Variants in AGBL4 observed in about 807,000 individuals in gnomAD.
The protein encoded by AGBL4 is AGBL carboxypeptidase 4.
AGBL4 carries 58 observed loss-of-function variants against 66.4 expected under a neutral mutation model. The ratio of observed to expected loss-of-function variants is 0.87; its 90% CI spans 0.71 to 1.09. The LOEUF is 1.09. AGBL4 is among the 50% of genes least tolerant of loss of function. The pLI is 0.00. For missense variants in AGBL4, 579 were observed against 631.0 expected, an observed-to-expected ratio of 0.92 and a Z score of 0.88; for synonymous variants, 234 against 222.9, an observed-to-expected ratio of 1.05 and a Z score of -0.44.
chr1:48,880,923 G>A (rs1232402522), intron 5 of AGBL4, among the ~76,000 whole-genome samples: 1 of 152,094 alleles, frequency 6.6e-6, no homozygotes, highest in Non-Finnish European at 1.5e-5. Context: ...CATCGTGAAT[G>A]TTATTTTAAT....
chr1:49,450,094 T>A (rs929505451), intron 3 of AGBL4, among the ~76,000 whole-genome samples: 1 of 152,116 alleles, frequency 6.6e-6, no homozygotes, highest in Non-Finnish European at 1.5e-5. Context: ...TGGTTTCAAT[T>A]TTTAAATATT....
At chr1:49,024,560 C>T (rs116539963) in intron 5 of AGBL4, among the ~76,000 whole-genome samples, 495 of 152,086 alleles carry the variant, frequency 3.3e-3, no homozygotes, top group Non-Finnish European at 5.8e-3. Context: ...CCTCAGTTTC[C>T]CCATCTTCAA....
At chr1:49,518,382 T>C (rs766441643) in intron 3 of AGBL4, among the ~76,000 whole-genome samples, 4 of 152,092 alleles carry the variant, frequency 2.6e-5, no homozygotes, top group Admixed American at 6.6e-5. Flanking sequence ...CCAATATTTA[T>C]TGAGCATTTC....
At position 48,534,936 on chromosome 1, in the gene AGBL4, C is replaced by T. The variant is rs752329708; in HGVS notation, c.1365-20G>A. On this transcript the variant is annotated intron_variant, in intron 12 of 13. Transcript: ENST00000371839. ...TTATTTCTAAAATAGGAGAAAAATTCATGTCCTTCCTGCCTCTTAGGCTCT... is the reference window on the plus strand; with the variant it reads ...TTATTTCTAAAATAGGAGAAAAATTTATGTCCTTCCTGCCTCTTAGGCTCT... The T allele has an allele frequency of 5.8e-6, 9 of 1,550,394 alleles. No homozygotes were observed. The highest frequency in any genetic ancestry group is 1.2e-5 in the South Asian group (1 of 84,002).
intron 3 of AGBL4, among the ~76,000 whole-genome samples, chr1:49,480,577 A>G (rs1187607583): frequency 6.6e-6 from 1 of 151,120 alleles, no homozygotes; most frequent in Non-Finnish European, 1.5e-5. Flanking sequence ...ATTTTCTTTC[A>G]TTTTGTAGAT....
chr1:49,309,896 A>C (rs966648022), intron 3 of AGBL4, among the ~76,000 whole-genome samples: 1 of 152,094 alleles, frequency 6.6e-6, no homozygotes, highest in African/African-American at 2.4e-5. Context: ...ATCAACTTAA[A>C]TGTTATTTTT....
At chr1:49,199,674 T>A (rs924076424) in intron 4 of AGBL4, among the ~76,000 whole-genome samples, 1 of 152,182 alleles carries the variant, frequency 6.6e-6, no homozygotes, top group Non-Finnish European at 1.5e-5. Flanking sequence ...GGCACCATAA[T>A]TGGCTTTTAG....
At chr1:49,758,212 C>T (rs1241329263) in intron 2 of AGBL4, among the ~76,000 whole-genome samples, 1 of 152,218 alleles carries the variant, frequency 6.6e-6, no homozygotes, top group Non-Finnish European at 1.5e-5. Context: ...ATTGGAACCT[C>T]TTCCTAGGTT....
chr1:49,054,562 T>G (rs973845378), intron 4 of AGBL4, among the ~76,000 whole-genome samples: 1 of 152,014 alleles, frequency 6.6e-6, no homozygotes, highest in African/African-American at 2.4e-5. Flanking sequence ...TTGAATTGGT[T>G]TGAGGTGTCT....
chr1:49,063,389 C>T (rs998603458), intron 4 of AGBL4, among the ~76,000 whole-genome samples: 19 of 151,942 alleles, frequency 1.3e-4, no homozygotes, highest in East Asian at 5.8e-4. Flanking sequence ...GCAAAGAGGT[C>T]GGGGGTTTAG....
chr1:49,094,789 AC>A (rs1645064327), intron 4 of AGBL4, among the ~76,000 whole-genome samples: 1 of 152,050 alleles, frequency 6.6e-6, no homozygotes, highest in East Asian at 1.9e-4. Context: ...GACAGGGATG[AC>A]CTCTCTTACC....
intron 3 of AGBL4, among the ~76,000 whole-genome samples, chr1:49,396,318 A>AC (rs1644973649): frequency 6.6e-6 from 1 of 151,754 alleles, no homozygotes; most frequent in African/African-American, 2.4e-5. Flanking sequence ...AAAAATAAAG[A>AC]CAGGTAGGCA....
At chr1:48,641,601 C>T (rs1645756136) in intron 8 of AGBL4, among the ~76,000 whole-genome samples, 1 of 152,064 alleles carries the variant, frequency 6.6e-6, no homozygotes, top group Non-Finnish European at 1.5e-5. Flanking sequence ...TGCTCAAAGA[C>T]CTGAAAGTGC....
intron 6 of AGBL4, among the ~76,000 whole-genome samples, chr1:48,828,969 G>T (rs1235166505): frequency 6.6e-6 from 1 of 152,112 alleles, no homozygotes; most frequent in East Asian, 1.9e-4. Flanking sequence ...ATTGCTCTTT[G>T]CTATGATGCC....
At chr1:49,849,392 A>ATTTATT (rs1557510537) in intron 2 of AGBL4, among the ~76,000 whole-genome samples, 1 of 102,304 alleles carries the variant, frequency 9.8e-6, no homozygotes, top group African/African-American at 3.8e-5. Context: ...CATTCATCTA[A>ATTTATT]TTTATTATTA....
At chr1:49,365,078 G>A (rs1276705642) in intron 3 of AGBL4, among the ~76,000 whole-genome samples, 1 of 152,136 alleles carries the variant, frequency 6.6e-6, no homozygotes. Context: ...GTTAGTAATT[G>A]TTATTATCCT....
intron 1 of AGBL4, among the ~76,000 whole-genome samples, chr1:49,931,574 G>A (rs551116411): frequency 1.3e-4 from 20 of 152,106 alleles, no homozygotes; most frequent in African/African-American, 4.1e-4. Flanking sequence ...GGGGAAATTC[G>A]CCCCCATAAT....
rs114838612 is a variant in AGBL4 at position 48,792,538 on chromosome 1, A to C, written c.634+74653T>G. ...TTATGTAATCTTGGTTAAGCCAGGA[A>C]ATCTTGTGAGCCTCGATATTCATGG... On this transcript the variant is annotated intron_variant, in intron 6 of 13. Transcript: ENST00000371839. 6.2e-3 allele frequency among the ~76,000 whole-genome samples: 950 copies of C among 152,312 alleles called. 9 individuals carry two copies. The highest frequency in any genetic ancestry group is 0.021 in the African/African-American group (877 of 41,572).
At chr1:48,622,148 C>A (rs1645424148) in intron 9 of AGBL4, among the ~76,000 whole-genome samples, 1 of 150,150 alleles carries the variant, frequency 6.7e-6, no homozygotes, top group Admixed American at 6.6e-5. Context: ...AAACCAAACT[C>A]CTTGTAATTC....
Sources: allele counts gnomAD v4.1 joint callset (sites outside exome capture counted in the v4.1 genomes callset), GRCh38; gene constraint gnomAD v4.1.1; transcripts MANE v1.5; gene names NCBI Gene and HGNC (gene_info 2026-07-23, HGNC 2026-07-21).